KHDRBS2: variants seen among roughly 807,000 people sequenced by gnomAD.
The protein encoded by KHDRBS2 is KH RNA binding domain containing, signal transduction associated 2, also known as KH domain-containing, RNA-binding, signal transduction-associated protein 2.
Under a neutral mutation model 44.3 loss-of-function variants are expected in KHDRBS2, and 26 were observed. That is an observed-to-expected ratio of 0.59 (90% CI 0.43 to 0.81). KHDRBS2 has a LOEUF of 0.81. Among genes scored for constraint, KHDRBS2 ranks in the 40% least tolerant of loss-of-function variants. The pLI is 0.00. For missense variants in KHDRBS2, 476 were observed against 433.1 expected (o/e 1.10, Z -0.88); for synonymous variants, 194 against 151.1 (o/e 1.28, Z -2.08).
intron 2 of KHDRBS2, among the ~76,000 whole-genome samples, chr6:62,075,915 T>TCTCTC (rs1796240399): frequency 8.7e-6 from 1 of 115,256 alleles, no homozygotes; most frequent in African/African-American, 3.4e-5. Flanking sequence ...CTCTCTCTCT[T>TCTCTC]CTATTTTTAA....
intron 6 of KHDRBS2, among the ~76,000 whole-genome samples, chr6:61,858,892 T>C (rs1245874278): frequency 6.6e-6 from 1 of 151,934 alleles, no homozygotes; most frequent in Non-Finnish European, 1.5e-5. Context: ...TTTGATTTAA[T>C]ATTCAACTTA....
At chr6:61,651,970 G>A in the KHDRBS2 span, among the ~76,000 whole-genome samples, 15 of 152,162 alleles carry the variant, frequency 9.9e-5, 1 homozygote, top group South Asian at 3.1e-3. Flanking sequence ...ACAGTGGACA[G>A]CAGAGATTTT....
chr6:62,107,832 G>A (rs903157886), intron 2 of KHDRBS2, among the ~76,000 whole-genome samples: 9 of 151,976 alleles, frequency 5.9e-5, no homozygotes, highest in African/African-American at 1.4e-4. Flanking sequence ...TGAGAAAAAC[G>A]AACAATGGGG....
rs576965701 is a variant in KHDRBS2, at chr6:62,121,038, G to T, written c.219+56147C>A. 1.4e-3 allele frequency among the ~76,000 whole-genome samples: 207 copies of T among 152,250 alleles called. 1 individual carries two copies. Among genetic ancestry groups the T allele is most frequent in the African/African-American group, 4.8e-3 (199 of 41,542 alleles). ...CTGTGGTCCTCCAGTTAAACCGGGG[G>T]CTTACAGAGGTCAGGTAATTAACGG... On this transcript the variant is annotated intron_variant, in intron 2 of 8. Transcript: ENST00000281156.
At chr6:61,667,158 G>T in the KHDRBS2 span, among the ~76,000 whole-genome samples, 1 of 146,704 alleles carries the variant, frequency 6.8e-6, no homozygotes, top group South Asian at 2.1e-4. Flanking sequence ...TAAGATGGAA[G>T]GACAAATGTA....
At chr6:62,075,397 C>T (rs574339259) in intron 2 of KHDRBS2, among the ~76,000 whole-genome samples, 18 of 151,984 alleles carry the variant, frequency 1.2e-4, no homozygotes, top group Admixed American at 2.6e-4. Context: ...GAACTGTGAG[C>T]AATAAATTTT....
intron 2 of KHDRBS2, among the ~76,000 whole-genome samples, chr6:62,113,822 A>T (rs1240612123): frequency 6.6e-6 from 1 of 152,108 alleles, no homozygotes; most frequent in Admixed American, 6.6e-5. Context: ...CACACTTGGG[A>T]ATGAATCTCA....
chr6:61,581,584 TATA>T, the KHDRBS2 span, among the ~76,000 whole-genome samples: 1 of 19,656 alleles, frequency 5.1e-5, no homozygotes, highest in African/African-American at 1.8e-4. Flanking sequence ...CAATACACAA[TATA>T]CAATATACAA....
the KHDRBS2 span, among the ~76,000 whole-genome samples, chr6:61,575,024 T>C: frequency 6.6e-6 from 1 of 152,120 alleles, no homozygotes; most frequent in Non-Finnish European, 1.5e-5. Context: ...AAGATAACAT[T>C]GGAAAAACTC....
At position 62,285,973 on chromosome 6, in the gene KHDRBS2, G is replaced by A. The variant is rs751081058; in HGVS notation, c.-25C>T. ...TAGCGCGGACTTCGGATTGTCCCCG[G>A]GCGAAGCGCGAGGTTCCGCTCGCTC... On this transcript the variant is annotated 5_prime_UTR_variant, in exon 1 of 9. Transcript: ENST00000281156. 6 of 1,483,164 alleles carry A rather than the reference G, an allele frequency of 4.0e-6. No homozygotes were observed. The East Asian group carries it at 6.9e-5, about 17-fold the overall frequency. 91.9% of individuals were successfully genotyped at this position (1,483,164 alleles called of 1,614,324 possible).
At chr6:62,169,098 T>A (rs1363450438) in intron 2 of KHDRBS2, among the ~76,000 whole-genome samples, 1 of 123,568 alleles carries the variant, frequency 8.1e-6, no homozygotes, top group East Asian at 2.2e-4. Flanking sequence ...CATTTATATT[T>A]ATATATACAC....
intron 1 of KHDRBS2, among the ~76,000 whole-genome samples, chr6:62,230,396 A>T (rs149667909): frequency 6.8e-4 from 104 of 152,308 alleles, no homozygotes; most frequent in African/African-American, 2.4e-3. Context: ...AAATGTAAGT[A>T]AATTGTTAAA....
At position 62,115,799 on chromosome 6, in the gene KHDRBS2, G is replaced by A. The variant is rs536327073; in HGVS notation, c.219+61386C>T. On this transcript the variant is annotated intron_variant, in intron 2 of 8. Transcript: ENST00000281156. ...ATAGATACAAATTTACTTTTTTAAC[G>A]TTAATTATATATTGAGTTAAAGAGA... 2.0e-3 allele frequency among the ~76,000 whole-genome samples: 307 copies of A among 151,744 alleles called. 1 individual carries two copies. The highest frequency in any genetic ancestry group is 0.017 in the Middle Eastern group (5 of 294).
At chr6:62,105,712 T>C (rs866550531) in intron 2 of KHDRBS2, among the ~76,000 whole-genome samples, 4 of 152,220 alleles carry the variant, frequency 2.6e-5, no homozygotes, top group African/African-American at 9.6e-5. Context: ...ATTTTGTTGA[T>C]CCTTTCAAAA....
intron 4 of KHDRBS2, among the ~76,000 whole-genome samples, chr6:61,952,717 C>T (rs6455094): frequency 0.87 from 132,269 of 152,070 alleles, 58,019 homozygotes; most frequent in African/African-American, 0.97. Flanking sequence ...ATGAAGATTG[C>T]ATGATTATCA....
At chr6:61,674,071 G>C in the KHDRBS2 span, among the ~76,000 whole-genome samples, 47 of 151,722 alleles carry the variant, frequency 3.1e-4, no homozygotes, top group African/African-American at 1.1e-3. Flanking sequence ...AATCATGTGA[G>C]TGGTTTTCTT....
chr6:61,927,615 A>G (rs1809223058), intron 4 of KHDRBS2, among the ~76,000 whole-genome samples: 1 of 152,156 alleles, frequency 6.6e-6, no homozygotes, highest in Non-Finnish European at 1.5e-5. Flanking sequence ...TAAAGAACTG[A>G]TTGCCCAAAC....
In KHDRBS2 at chr6:61,758,187, T is replaced by G. The variant is rs1582644648; in HGVS notation, c.811-25423A>C. Among the ~76,000 whole-genome samples, 4 of 152,248 alleles carry G rather than the reference T, an allele frequency of 2.6e-5. No homozygotes were observed. In the East Asian group the frequency reaches 7.7e-4, roughly 29 times the overall value. On this transcript the variant is annotated intron_variant, in intron 6 of 8. Transcript: ENST00000281156. The stretch of plus-strand genomic sequence containing the variant: ...TCTGAAAAGCACAAACTGGGGAAAT[T>G]GTAGGGCTTATCTTATTTGTTTCCT...
chr6:62,126,811 T>C (rs1809083618), intron 2 of KHDRBS2, among the ~76,000 whole-genome samples: 1 of 152,254 alleles, frequency 6.6e-6, no homozygotes, highest in African/African-American at 2.4e-5. Flanking sequence ...AGACTACTGA[T>C]GTAATAGTTA....
Sources: gnomAD v4.1 joint callset for allele counts (sites outside exome capture counted in the v4.1 genomes callset) on GRCh38, gnomAD v4.1.1 for gene constraint, MANE v1.5 for transcripts, NCBI Gene and HGNC (gene_info 2026-07-23, HGNC 2026-07-21) for gene names.